CACHD1: variants seen among roughly 807,000 people sequenced by gnomAD.
The protein encoded by CACHD1 is cache domain containing 1.
In CACHD1, 71 loss-of-function variants were observed where a neutral mutation model predicts 138.7. The observed-to-expected ratio is 0.51, with a 90% CI of 0.42 to 0.62. The LOEUF (loss-of-function observed/expected upper bound fraction) is 0.62. CACHD1 is among the 20% of genes least tolerant of loss of function. The pLI is 0.00. For missense variants in CACHD1, 1,389 were observed against 1,625.3 expected (o/e 0.85, Z 2.50); for synonymous variants, 578 against 591.5 (o/e 0.98, Z 0.33).
chr1:64,663,761 A>G lies in CACHD1; in HGVS notation c.2018A>G (p.Glu673Gly), dbSNP rs937076535. The part of the protein sequence containing the change: ...SSPYEHLSQP[E>G]TKRMVEHYTA... Reference sequence around the variant, plus strand: ...CCCTATGAGCACCTCAGCCAGCCAGAGACAAAGCGCATGGTAGAGCACTAC... The same window carrying G: ...CCCTATGAGCACCTCAGCCAGCCAGGGACAAAGCGCATGGTAGAGCACTAC... The change falls in exon 14 of 27, where the codon GAG becomes GGG. Residue 673 changes from glutamate to glycine, a missense_variant. Physicochemically the swap from Glu to Gly is moderately conservative, Grantham distance 98 (BLOSUM62 -2). Transcript: ENST00000651257. 4 of 1,614,058 alleles carry G rather than the reference A, an allele frequency of 2.5e-6. No homozygotes were observed. The highest frequency in any genetic ancestry group is 3.4e-6 in the Non-Finnish European group (4 of 1,180,006).
Position 64,602,926 on chromosome 1 carries a change from T to A in CACHD1, c.517+14T>A, listed in dbSNP as rs1411352428. 3.3e-6 allele frequency: 5 copies of A among 1,525,592 alleles called. No homozygotes were observed. The South Asian group carries it at 5.6e-5, about 17-fold the overall frequency. The allele number at this position is 1,525,592 out of a possible 1,614,324, so 94.5% of individuals were successfully genotyped here. ...ACTTAAATTCAGGTCAGTAATCCAT[T>A]GGCTTTATAAAGATGAACTGTATTC... On this transcript the variant is annotated intron_variant, in intron 4 of 26. Transcript: ENST00000651257.
At chr1:64,514,353 A>C (rs1381448943) in intron 1 of CACHD1, among the ~76,000 whole-genome samples, 1 of 152,198 alleles carries the variant, frequency 6.6e-6, no homozygotes, top group African/African-American at 2.4e-5. Context: ...AGAGGCCAAA[A>C]ATAACAAGTC....
intron 2 of CACHD1, among the ~76,000 whole-genome samples, chr1:64,554,578 G>A (rs1440307403): frequency 6.6e-6 from 1 of 152,162 alleles, no homozygotes; most frequent in Non-Finnish European, 1.5e-5. Context: ...GGTATCAGGC[G>A]AGTTTCATTT....
intron 3 of CACHD1, among the ~76,000 whole-genome samples, chr1:64,595,348 A>T (rs1252481498): frequency 6.6e-6 from 1 of 152,030 alleles, no homozygotes; most frequent in Non-Finnish European, 1.5e-5. Context: ...TCACAAGGAG[A>T]CTCTGAGCTA....
chr1:64,667,999 T>G (rs1384738920), intron 16 of CACHD1, among the ~76,000 whole-genome samples: 2 of 152,158 alleles, frequency 1.3e-5, no homozygotes, highest in East Asian at 3.9e-4. Context: ...TCCAAGTGAA[T>G]CACAATGGAA....
intron 4 of CACHD1, among the ~76,000 whole-genome samples, chr1:64,611,886 A>G (rs1315047681): frequency 6.6e-6 from 1 of 152,218 alleles, no homozygotes; most frequent in Non-Finnish European, 1.5e-5. Context: ...CAGATACTAC[A>G]TGAGACTGAG....
chr1:64,582,961 G>A (rs983596940), intron 3 of CACHD1, among the ~76,000 whole-genome samples: 2 of 152,056 alleles, frequency 1.3e-5, no homozygotes, highest in African/African-American at 2.4e-5. Context: ...TTATTTTTAT[G>A]CTCAGTTTTC....
At chr1:64,680,324 A>G (rs543896760) in intron 24 of CACHD1, among the ~76,000 whole-genome samples, 121 of 152,270 alleles carry the variant, frequency 7.9e-4, no homozygotes, top group African/African-American at 2.8e-3. Context: ...CCCCGCCTCT[A>G]CTAAAAATAC....
At chr1:64,584,914 AG>A (rs1647039647) in intron 3 of CACHD1, among the ~76,000 whole-genome samples, 1 of 152,200 alleles carries the variant, frequency 6.6e-6, no homozygotes. Context: ...GGTTCCTCAA[AG>A]CAGAGAACTA....
chr1:64,622,209 T>C (rs751512979), intron 4 of CACHD1, among the ~76,000 whole-genome samples: 26 of 152,228 alleles, frequency 1.7e-4, no homozygotes, highest in Non-Finnish European at 3.7e-4. Flanking sequence ...ATCACAACTA[T>C]ACCATTTCTC....
At chr1:64,573,174 G>C (rs888308693) in intron 2 of CACHD1, among the ~76,000 whole-genome samples, 3 of 152,268 alleles carry the variant, frequency 2.0e-5, no homozygotes, top group Admixed American at 6.5e-5. Flanking sequence ...TGGGGCCTTT[G>C]GGAAGTAATT....
intron 1 of CACHD1, among the ~76,000 whole-genome samples, chr1:64,507,061 A>G (rs995214238): frequency 2.0e-5 from 3 of 152,190 alleles, no homozygotes; most frequent in African/African-American, 7.2e-5. Context: ...GAATATTTTG[A>G]GGTCCCAAGG....
rs140096828 is a variant in CACHD1, at chr1:64,682,039, A to G, written c.3519A>G (p.Glu1173=). 4.7e-5 allele frequency: 76 copies of G among 1,614,102 alleles called. 3 individuals carry two copies. In the African/African-American group the frequency reaches 8.7e-4, roughly 18 times the overall value. Residue 1173 remains glutamate (E), a synonymous_variant, in exon 26 of 27, where the codon GAA becomes GAG. Coordinates refer to ENST00000651257, the MANE Select transcript of CACHD1 (RefSeq NM_020925.4). ...SNTRFIAAVI[E]RHAHSPERRR... is the part of the protein sequence containing the mutation. ...CTCGGTTTATAGCTGCGGTCATCGA[A>G]CGACATGCACACAGTCCAGAAAGAA...
chr1:64,668,610 A>G (rs1398109202), intron 16 of CACHD1, among the ~76,000 whole-genome samples: 2 of 152,224 alleles, frequency 1.3e-5, no homozygotes, highest in African/African-American at 4.8e-5. Flanking sequence ...GAATATAATA[A>G]GAGCAAGAAA....
At chr1:64,594,547 A>G (rs1647134657) in intron 3 of CACHD1, among the ~76,000 whole-genome samples, 1 of 152,180 alleles carries the variant, frequency 6.6e-6, no homozygotes, top group South Asian at 2.1e-4. Flanking sequence ...CTTTATCTTT[A>G]GGAGTCTTGA....
chr1:64,635,778 A>G (rs1442060770), intron 7 of CACHD1, among the ~76,000 whole-genome samples: 1 of 152,068 alleles, frequency 6.6e-6, no homozygotes, highest in Non-Finnish European at 1.5e-5. Context: ...CTTTGAAACT[A>G]CTTGAAGGAA....
chr1:64,553,612 T>C (rs1248993738), intron 2 of CACHD1, among the ~76,000 whole-genome samples: 1 of 152,146 alleles, frequency 6.6e-6, no homozygotes, highest in Admixed American at 6.5e-5. Flanking sequence ...TACATATAAA[T>C]AAATATATTA....
intron 2 of CACHD1, among the ~76,000 whole-genome samples, chr1:64,559,919 A>G (rs1159622320): frequency 1.3e-5 from 2 of 152,012 alleles, no homozygotes; most frequent in African/African-American, 4.8e-5. Flanking sequence ...TAGTATGTCA[A>G]TTTTGGTAAG....
intron 1 of CACHD1, among the ~76,000 whole-genome samples, chr1:64,500,775 C>T (rs1241857599): frequency 4.7e-5 from 7 of 147,740 alleles, no homozygotes; most frequent in South Asian, 2.2e-4. Context: ...AGTCCGGACG[C>T]GGTGGCTCAT....
Sources: allele counts gnomAD v4.1 joint callset (sites outside exome capture counted in the v4.1 genomes callset), GRCh38; gene constraint gnomAD v4.1.1; transcripts MANE v1.5; gene names NCBI Gene and HGNC (gene_info 2026-07-23, HGNC 2026-07-21).